Variants in SPON1 observed in about 807,000 individuals in gnomAD.
SPON1 encodes the protein spondin-1.
Under a neutral mutation model 111.7 loss-of-function variants are expected in SPON1, and 52 were observed. The ratio of observed to expected loss-of-function variants is 0.47; its 90% CI spans 0.37 to 0.59. The LOEUF (loss-of-function observed/expected upper bound fraction) is 0.59, where lower values mean the gene tolerates loss of function less well. Ranked by LOEUF, SPON1 falls within the 20% of genes least tolerant of loss-of-function variation. The probability of loss-of-function intolerance (pLI) is 0.00; values close to 1 mark genes in which losing one functional copy is unlikely to be tolerated. For synonymous variants in SPON1, 410 were observed against 395.8 expected (o/e 1.04, Z -0.43); for missense variants, 957 against 1,068.5 (o/e 0.90, Z 1.46).
chr11:14,092,108 C>G (rs1163094347), intron 5 of SPON1, among the ~76,000 whole-genome samples: 1 of 152,200 alleles, frequency 6.6e-6, no homozygotes, highest in Non-Finnish European at 1.5e-5. Context: ...AGCTGCAGAC[C>G]AGAGCTGTTC....
At chr11:14,188,579 G>C (rs1041623954) in intron 6 of SPON1, among the ~76,000 whole-genome samples, 9 of 152,240 alleles carry the variant, frequency 5.9e-5, no homozygotes, top group African/African-American at 2.2e-4. Flanking sequence ...TAAGCTCATA[G>C]CTTCATAACT....
At chr11:14,191,567 T>C (rs928882284) in intron 6 of SPON1, among the ~76,000 whole-genome samples, 1 of 152,202 alleles carries the variant, frequency 6.6e-6, no homozygotes. Flanking sequence ...ACTTCCTGGC[T>C]CTAGAAAATT....
intron 2 of SPON1, among the ~76,000 whole-genome samples, chr11:14,005,843 C>G (rs772550360): frequency 2.0e-5 from 3 of 152,094 alleles, no homozygotes; most frequent in Non-Finnish European, 4.4e-5. Flanking sequence ...AACTCTAGAG[C>G]CTGAGAGACC....
intron 3 of SPON1, among the ~76,000 whole-genome samples, chr11:14,063,978 G>A (rs1848811364): frequency 6.6e-6 from 1 of 152,226 alleles, no homozygotes; most frequent in Non-Finnish European, 1.5e-5. Flanking sequence ...GGGTGGCACT[G>A]CTAATACAGA....
At chr11:14,206,077 A>G (rs1241869714) in intron 6 of SPON1, among the ~76,000 whole-genome samples, 1 of 152,062 alleles carries the variant, frequency 6.6e-6, no homozygotes, top group Non-Finnish European at 1.5e-5. Flanking sequence ...CACTATGCCT[A>G]TTTTTATATA....
At chr11:13,987,254 T>G (rs564077024) in intron 2 of SPON1, among the ~76,000 whole-genome samples, 103 of 152,332 alleles carry the variant, frequency 6.8e-4, no homozygotes, top group Non-Finnish European at 6.3e-4. Context: ...ATGATCACCA[T>G]TCTAACTGGC....
chr11:14,234,997 A>C (rs1848846999), intron 6 of SPON1, among the ~76,000 whole-genome samples: 1 of 152,192 alleles, frequency 6.6e-6, no homozygotes, highest in Admixed American at 6.5e-5. Flanking sequence ...CAGCCAGCCC[A>C]CCTGAGCCAG....
chr11:14,195,311 C>A (rs551016487), intron 6 of SPON1, among the ~76,000 whole-genome samples: 24 of 152,160 alleles, frequency 1.6e-4, no homozygotes, highest in African/African-American at 5.8e-4. Flanking sequence ...AGATACCTTG[C>A]AATAAAAGTG....
At chr11:14,204,859 T>G (rs1230616849) in intron 6 of SPON1, among the ~76,000 whole-genome samples, 1 of 152,056 alleles carries the variant, frequency 6.6e-6, no homozygotes, top group Admixed American at 6.5e-5. Context: ...TAATTTTTTT[T>G]GTATTTTTTA....
intron 3 of SPON1, among the ~76,000 whole-genome samples, chr11:14,051,843 TTGC>T: frequency 6.6e-6 from 1 of 152,220 alleles, no homozygotes; most frequent in South Asian, 2.1e-4. Context: ...GCTAAATGCA[TTGC>T]ATGTCTTATA....
chr11:14,107,167 G>C (rs1459591537), intron 5 of SPON1, among the ~76,000 whole-genome samples: 1 of 152,182 alleles, frequency 6.6e-6, no homozygotes, highest in East Asian at 1.9e-4. Context: ...ATGGGGCTAA[G>C]AGGCTTTCTG....
intron 6 of SPON1, among the ~76,000 whole-genome samples, chr11:14,222,105 G>A (rs1052667902): frequency 6.6e-6 from 1 of 152,210 alleles, no homozygotes; most frequent in East Asian, 1.9e-4. Flanking sequence ...AATGGCCTAA[G>A]CCCATTTCAA....
At chr11:14,216,885 T>C (rs1254237819) in intron 6 of SPON1, among the ~76,000 whole-genome samples, 3 of 152,200 alleles carry the variant, frequency 2.0e-5, no homozygotes, top group African/African-American at 7.2e-5. Context: ...AATTAGTTGA[T>C]AAAGAATGAG....
chr11:14,185,118 G>A (rs1377421035), intron 6 of SPON1, among the ~76,000 whole-genome samples: 1 of 152,216 alleles, frequency 6.6e-6, no homozygotes, highest in Non-Finnish European at 1.5e-5. Context: ...AGATACAAGA[G>A]TGGTGCCAAT....
At chr11:14,097,396 G>T (rs1591374769) in intron 5 of SPON1, among the ~76,000 whole-genome samples, 2 of 152,134 alleles carry the variant, frequency 1.3e-5, no homozygotes, top group East Asian at 3.8e-4. Context: ...AGAAGGCTTT[G>T]CTGTTTCATT....
intron 3 of SPON1, among the ~76,000 whole-genome samples, chr11:14,073,261 G>T (rs1324366381): frequency 1.3e-5 from 2 of 152,108 alleles, no homozygotes; most frequent in Non-Finnish European, 2.9e-5. Flanking sequence ...GACAGTTTGT[G>T]GTTGTTTGGC....
At chr11:14,184,286 G>A (rs1236076505) in intron 6 of SPON1, among the ~76,000 whole-genome samples, 1 of 152,204 alleles carries the variant, frequency 6.6e-6, no homozygotes, top group Non-Finnish European at 1.5e-5. Context: ...AATCATGATT[G>A]CAATTACCAT....
At chr11:14,114,169 G>A (rs1054907773) in intron 5 of SPON1, among the ~76,000 whole-genome samples, 1 of 151,670 alleles carries the variant, frequency 6.6e-6, no homozygotes, top group African/African-American at 2.4e-5. Flanking sequence ...TAATTTTTTT[G>A]TACCCACTAA....
intron 1 of SPON1, among the ~76,000 whole-genome samples, chr11:13,967,447 A>G (rs1248031309): frequency 2.0e-5 from 3 of 152,138 alleles, no homozygotes; most frequent in Non-Finnish European, 4.4e-5. Context: ...GGATTAATTT[A>G]GAAACATGAA....
Sources: gnomAD v4.1 joint callset for allele counts (sites outside exome capture counted in the v4.1 genomes callset) on GRCh38, gnomAD v4.1.1 for gene constraint, MANE v1.5 for transcripts, NCBI Gene and HGNC (gene_info 2026-07-23, HGNC 2026-07-21) for gene names.